DAW1: variants seen among roughly 807,000 people sequenced by gnomAD.
DAW1 encodes dynein assembly factor with WD repeats 1, also known as dynein assembly factor with WD repeat domains 1.
DAW1 carries 47 observed loss-of-function variants against 56.5 expected under a neutral mutation model. The ratio of observed to expected loss-of-function variants is 0.83; its 90% CI spans 0.66 to 1.06. The LOEUF (loss-of-function observed/expected upper bound fraction) is 1.06, where lower values mean the gene tolerates loss of function less well. Among genes scored for constraint, DAW1 ranks in the 50% least tolerant of loss-of-function variants. The pLI, the probability that DAW1 is intolerant of heterozygous loss-of-function variation, is 0.00. For synonymous variants in DAW1, 190 were observed against 179.0 expected (o/e 1.06, Z -0.49); for missense variants, 505 against 499.3 (o/e 1.01, Z -0.11).
At chr2:227,895,994 T>C (rs1691398454) in intron 5 of DAW1, among the ~76,000 whole-genome samples, 1 of 152,124 alleles carries the variant, frequency 6.6e-6, no homozygotes, top group East Asian at 1.9e-4. Context: ...AGAATAGACA[T>C]TTTATACTAC....
intron 5 of DAW1, chr2:227,895,724 G>T (rs1438750397): frequency 1.3e-5 from 2 of 152,214 alleles, no homozygotes; most frequent in African/African-American, 4.8e-5. Context: ...GCATTCAGTG[G>T]AGTTTAAACT....
chr2:227,889,177 G>A (rs1211048476), intron 2 of DAW1, among the ~76,000 whole-genome samples: 1 of 152,218 alleles, frequency 6.6e-6, no homozygotes, highest in Admixed American at 6.5e-5. Context: ...AAGAGCTCAT[G>A]TTCAGAACTA....
chr2:227,905,823 C>T (rs1721338), intron 8 of DAW1, among the ~76,000 whole-genome samples: 60,602 of 152,010 alleles, frequency 0.4, 12,187 homozygotes, highest in Middle Eastern at 0.55. Flanking sequence ...GGCGTGATCT[C>T]GGCTCACTGC....
In DAW1 at chr2:227,911,295, T is replaced by TACACGTGTATATATACATATAC. The variant is rs1691819185; in HGVS notation, c.973+4053_973+4054insATATACATATACACACGTGTAT. Among the ~76,000 whole-genome samples, 27 of 147,964 alleles carry TACACGTGTATATATACATATAC rather than the reference T, an allele frequency of 1.8e-4. 1 individual carries two copies. The South Asian group carries it at 5.5e-3, about 30-fold the overall frequency. ...ATATACACGTGTATATATACATATA[T>TACACGTGTATATATACATATAC]ACACGTGTATGTATAAGCATATATA... On this transcript the variant is annotated intron_variant, in intron 10 of 12. Transcript: ENST00000309931.
At chr2:227,918,199 C>CCATCCATCCAT (rs1692019454) in intron 10 of DAW1, among the ~76,000 whole-genome samples, 2 of 145,750 alleles carry the variant, frequency 1.4e-5, no homozygotes, top group South Asian at 4.2e-4. Flanking sequence ...ATCCATCCAT[C>CCATCCATCCAT]CATCCATCCA....
At chr2:227,907,307 A>T (rs1032219013) in intron 10 of DAW1, 55 bp downstream of exon 10, 2 of 1,417,526 alleles carry the variant, frequency 1.4e-6, no homozygotes, top group East Asian at 4.7e-5. Flanking sequence ...TTTGCTTGAT[A>T]ACCATGCATA....
At chr2:227,885,522 T>A in intron 2 of DAW1, 99 bp downstream of exon 2, 2 of 893,770 alleles carry the variant, frequency 2.2e-6, no homozygotes, top group Admixed American at 5.9e-5. Flanking sequence ...TAATACATTA[T>A]GTTTTAAAAA....
intron 4 of DAW1, among the ~76,000 whole-genome samples, chr2:227,892,137 A>AT (rs202082179): frequency 2.4e-4 from 36 of 147,412 alleles, no homozygotes; most frequent in South Asian, 4.3e-4. Context: ...TAACTTAATA[A>AT]TTTTTTTTTT....
chr2:227,890,141 G>C (rs894656931), intron 3 of DAW1, 141 bp downstream of exon 3: 3 of 803,452 alleles, frequency 3.7e-6, no homozygotes, highest in African/African-American at 1.8e-5. Flanking sequence ...TGTTTGCTAA[G>C]ATTGTCCCAA....
At chr2:227,898,465 C>T (rs1043272883) in intron 6 of DAW1, among the ~76,000 whole-genome samples, 184 bp downstream of exon 6, 6 of 151,996 alleles carry the variant, frequency 3.9e-5, no homozygotes, top group East Asian at 1.9e-4. Flanking sequence ...GGACTACGGG[C>T]GCCCGCCACC....
intron 10 of DAW1, 45 bp from the exon 11 acceptor site, chr2:227,918,735 T>C (rs745870647): frequency 6.3e-7 from 1 of 1,598,408 alleles, no homozygotes; most frequent in Non-Finnish European, 8.6e-7. Flanking sequence ...TCCAAAGTTC[T>C]GTATTTAAGA....
chr2:227,897,039 T>A (rs1488678508), intron 5 of DAW1, among the ~76,000 whole-genome samples: 1 of 145,462 alleles, frequency 6.9e-6, no homozygotes, highest in Non-Finnish European at 1.5e-5. Context: ...TGAGCTGAGA[T>A]CGCACCACTG....
intron 10 of DAW1, among the ~76,000 whole-genome samples, chr2:227,910,526 C>CACA: frequency 1.3e-5 from 1 of 76,036 alleles, no homozygotes; most frequent in African/African-American, 3.8e-5. Flanking sequence ...ACACACACAC[C>CACA]CCTCATATTC....
rs114298160 is a variant in DAW1 at position 227,915,904 on chromosome 2, G to A, written c.974-2876G>A. On this transcript the variant is annotated intron_variant, in intron 10 of 12. Coordinates refer to ENST00000309931, the MANE Select transcript of DAW1 (RefSeq NM_178821.3). ...TGAAAATTCCTTATGATATTATGCC[G>A]TAGTTCATCTCATTTAGGACAATTT... Among the ~76,000 whole-genome samples the A allele has an allele frequency of 7.5e-3, 1,136 of 152,016 alleles. 9 individuals carry two copies. The highest frequency in any genetic ancestry group is 0.019 in the South Asian group (91 of 4,824).
chr2:227,880,229 T>A (rs1217523670), intron 1 of DAW1, among the ~76,000 whole-genome samples: 1 of 152,186 alleles, frequency 6.6e-6, no homozygotes, highest in African/African-American at 2.4e-5. Context: ...CTTTCTTATC[T>A]TCTTCCAGTC....
intron 10 of DAW1, among the ~76,000 whole-genome samples, chr2:227,917,473 G>C (rs1691983861): frequency 6.6e-6 from 1 of 151,984 alleles, no homozygotes; most frequent in Non-Finnish European, 1.5e-5. Flanking sequence ...TGTTAGCCAG[G>C]ATGGTCTCGA....
chr2:227,897,525 A>G (rs1365870387), intron 5 of DAW1, among the ~76,000 whole-genome samples: 1 of 152,212 alleles, frequency 6.6e-6, no homozygotes, highest in Non-Finnish European at 1.5e-5. Flanking sequence ...GTTGTAAGCC[A>G]GGGTTAAAAG....
chr2:227,887,241 AC>A (rs1434843336), intron 2 of DAW1, among the ~76,000 whole-genome samples: 1 of 152,246 alleles, frequency 6.6e-6, no homozygotes, highest in Non-Finnish European at 1.5e-5. Flanking sequence ...TTCATTGAAT[AC>A]AACAATCTTT....
chr2:227,882,269 C>T (rs1448531967), intron 1 of DAW1, among the ~76,000 whole-genome samples: 2 of 152,156 alleles, frequency 1.3e-5, no homozygotes, highest in African/African-American at 4.8e-5. Flanking sequence ...TTCATAATAA[C>T]AATAAGATGT....
Sources: gnomAD v4.1 joint callset for allele counts (sites outside exome capture counted in the v4.1 genomes callset) on GRCh38, gnomAD v4.1.1 for gene constraint, MANE v1.5 for transcripts, NCBI Gene and HGNC (gene_info 2026-07-23, HGNC 2026-07-21) for gene names.